COL5A3: variants seen among roughly 807,000 people sequenced by gnomAD.
COL5A3 encodes the protein collagen alpha-3(V) chain.
A neutral mutation model predicts 250.0 loss-of-function variants in COL5A3; 172 were observed. That is an observed-to-expected ratio of 0.69 (90% CI 0.61 to 0.78). COL5A3 has a LOEUF of 0.78. Among genes scored for constraint, COL5A3 ranks in the 30% least tolerant of loss-of-function variants. The probability of loss-of-function intolerance (pLI) is 0.00; values close to 1 mark genes in which losing one functional copy is unlikely to be tolerated. For missense variants in COL5A3, 2,340 were observed against 2,334.4 expected (o/e 1.00, Z -0.05); for synonymous variants, 937 against 900.4 (o/e 1.04, Z -0.73).
rs767747579 is a variant in COL5A3, at chr19:9,997,344, G to A, written c.1263+27C>T. 1.3e-5 allele frequency: 20 copies of A among 1,572,260 alleles called. No homozygotes were observed. The Admixed American group carries it at 1.9e-4, about 15-fold the overall frequency. ...GCCCCAAACCTCACTCCTCTGAGAA[G>A]TGTACACCCCAGTGGGAGTCTCTTA... On this transcript the variant is annotated intron_variant, in intron 11 of 66. Transcript: ENST00000264828.
chr19:9,960,314 A>T lies in COL5A3; in HGVS notation c.*97T>A. 7.0e-7 allele frequency: 1 copy of T among 1,432,306 alleles called. No homozygotes were observed. Among genetic ancestry groups the T allele is most frequent in the South Asian group, 1.2e-5 (1 of 83,526 alleles). 88.7% of individuals were successfully genotyped at this position (1,432,306 alleles called of 1,614,324 possible). A position where few individuals can be genotyped will look rare whatever the true frequency, so the allele number is the denominator to read the frequency against. The stretch of plus-strand genomic sequence containing the variant: ...CGAAGTCACATCCCATTGGCTCCAT[A>T]GTCACAGGTAACGAAAAATACGGTG... On this transcript the variant is annotated 3_prime_UTR_variant, in exon 67 of 67. Coordinates refer to ENST00000264828, the MANE Select transcript of COL5A3 (RefSeq NM_015719.4).
At chr19:10,001,208 C>T (rs1405033801) in intron 8 of COL5A3, among the ~76,000 whole-genome samples, 1 of 151,740 alleles carries the variant, frequency 6.6e-6, no homozygotes, top group African/African-American at 2.4e-5. Context: ...TGCAGTGGCA[C>T]GATCTTGGCT....
intron 61 of COL5A3, 60 bp from the exon 62 acceptor site, chr19:9,967,460 TACACACAAAC>T (rs2086768173): frequency 8.2e-7 from 1 of 1,214,032 alleles, no homozygotes; most frequent in Non-Finnish European, 1.1e-6. Context: ...CCCACCAACA[TACACACAAAC>T]ACACACACAC....
chr19:9,993,742 C>G lies in COL5A3; in HGVS notation c.1641+11G>C. 1 of 1,614,114 alleles carries G rather than the reference C, an allele frequency of 6.2e-7. No individual in the cohort carries two copies. Among genetic ancestry groups the G allele is most frequent in the Non-Finnish European group, 8.5e-7 (1 of 1,179,986 alleles). ...CTCCCACCAAGTCTTATCTCAGCCCCCATCACCTACCTTAGGTCCAGTGTC... is the reference window on the plus strand; with the variant it reads ...CTCCCACCAAGTCTTATCTCAGCCCGCATCACCTACCTTAGGTCCAGTGTC... On this transcript the variant is annotated intron_variant, in intron 17 of 66. Transcript: ENST00000264828.
rs368971097 is a variant in COL5A3, at chr19:9,979,288, G to A, written c.2767-49C>T. ...TGAGTGGGGGTGGCCTAGGGGAGTC[G>A]CTCAGGAGTCCAGCTTTCCCCTAAA... On this transcript the variant is annotated intron_variant, in intron 38 of 66. Transcript: ENST00000264828. 55 of 1,597,672 alleles carry A rather than the reference G, an allele frequency of 3.4e-5. No homozygotes were observed. In the Middle Eastern group the frequency reaches 5.0e-4, roughly 14 times the overall value.
intron 51 of COL5A3, among the ~76,000 whole-genome samples, chr19:9,972,321 TC>T (rs1311254002): frequency 9.4e-5 from 4 of 42,578 alleles, no homozygotes; most frequent in Non-Finnish European, 1.8e-4. Flanking sequence ...GTTCATCCAT[TC>T]ACTCACTCGT....
Position 9,960,556 on chromosome 19 carries a change from A to T in COL5A3, c.5093T>A (p.Leu1698His). Reference sequence around the variant, plus strand: ...AAGGGTCTTCGTCTGTCCTTTCCGGAGCTGTCCCCAGAGAAGACAGAGACG... The same window carrying T: ...AAGGGTCTTCGTCTGTCCTTTCCGGTGCTGTCCCCAGAGAAGACAGAGACG... ...TVSVPQDGCR[L>H]RKGQTKTLFE... The change falls in exon 67 of 67, where the codon CTC becomes CAC. Residue 1698 changes from leucine to histidine, a missense_variant and splice_region_variant. By Grantham distance (99) the Leu-to-His change is moderately conservative (BLOSUM62 -3). Transcript: ENST00000264828. 1.2e-6 allele frequency: 2 copies of T among 1,614,130 alleles called. No homozygotes were observed. Among genetic ancestry groups the T allele is most frequent in the Non-Finnish European group, 1.7e-6 (2 of 1,180,018 alleles).
At chr19:9,985,628 A>C (rs986580227) in intron 31 of COL5A3, among the ~76,000 whole-genome samples, 12 of 151,220 alleles carry the variant, frequency 7.9e-5, no homozygotes, top group African/African-American at 2.9e-4. Flanking sequence ...CTGGTCTCGA[A>C]CTCCTGGGCT....
At chr19:9,998,253 C>CACACAT (rs2087302613) in intron 8 of COL5A3, 104 bp from the exon 9 acceptor site, 7 of 1,130,636 alleles carry the variant, frequency 6.2e-6, no homozygotes, top group South Asian at 4.5e-5. Flanking sequence ...CACACACACA[C>CACACAT]ACACGGAGTC....
chr19:9,981,013 A>T (rs934406393), intron 33 of COL5A3, 75 bp downstream of exon 33: 121 of 1,546,036 alleles, frequency 7.8e-5, no homozygotes, highest in African/African-American at 2.7e-5. Context: ...CCCACAGATG[A>T]CCTCTCCACT....
In COL5A3 at chr19:9,986,126, G is replaced by A. The variant is rs118161059; in HGVS notation, c.2352+189C>T. 1.2e-4 allele frequency among the ~76,000 whole-genome samples: 18 copies of A among 152,320 alleles called. No homozygotes were observed. In the East Asian group the frequency reaches 3.5e-3, roughly 29 times the overall value. On this transcript the variant is annotated intron_variant, in intron 30 of 66. Transcript: ENST00000264828. ...TGGGATGAAAATGCCTATTGCATGT[G>A]GTGGTTATGGATATGAACACATAAG...
At chr19:10,003,849 T>C (rs760494936) in intron 5 of COL5A3, 135 bp from the exon 6 acceptor site, 50 of 1,264,340 alleles carry the variant, frequency 4.0e-5, no homozygotes, top group Non-Finnish European at 4.7e-5. Context: ...ACGTTATTCA[T>C]GTAACCTGGG....
Position 9,978,944 on chromosome 19 carries a change from CT to C in COL5A3, c.2910del (p.Pro972GlnfsTer22). ...ELGPPGPLGKEGPAGLRGFPG... is the reference protein window; with the variant it reads ...ELGPPGPLGKXGPAGLRGFPG... The stretch of plus-strand genomic sequence containing the variant: ...GGAAAGCCCCTGAGTCCAGCTGGCC[CT>C]TCTTTCCCAAGGGGTCCTGGTGGTC... On this transcript the variant is annotated frameshift_variant, in exon 40 of 67. Coordinates refer to ENST00000264828, the MANE Select transcript of COL5A3 (RefSeq NM_015719.4). LOFTEE classifies it high-confidence loss of function. The C allele has an allele frequency of 6.5e-7, 1 of 1,532,478 alleles. No homozygotes were observed. Among genetic ancestry groups the C allele is most frequent in the Non-Finnish European group, 8.7e-7 (1 of 1,143,226 alleles). 94.9% of individuals were successfully genotyped at this position (1,532,478 alleles called of 1,614,324 possible).
chr19:9,975,350 G>A (rs1395331053), intron 45 of COL5A3, among the ~76,000 whole-genome samples: 1 of 152,122 alleles, frequency 6.6e-6, no homozygotes, highest in Non-Finnish European at 1.5e-5. Context: ...AAAGTACTAG[G>A]ATTACAGGCA....
intron 1 of COL5A3, 78 bp downstream of exon 1, chr19:10,010,215 CCTCCA>C: frequency 1.1e-6 from 1 of 950,548 alleles, no homozygotes; most frequent in Non-Finnish European, 1.4e-6. Flanking sequence ...CCTCCACGCC[CCTCCA>C]CCCCCCTCCA....
chr19:9,990,874 A>G (rs915336827), intron 24 of COL5A3, among the ~76,000 whole-genome samples: 4 of 152,152 alleles, frequency 2.6e-5, no homozygotes, highest in Non-Finnish European at 5.9e-5. Context: ...ATAAAATTAA[A>G]TTAAAACAGT....
At chr19:9,971,577 T>C (rs8100115) in intron 51 of COL5A3, among the ~76,000 whole-genome samples, 4,486 of 152,014 alleles carry the variant, frequency 0.03, 218 homozygotes, top group African/African-American at 0.1. Context: ...ATTCATTCAT[T>C]CATCCATCCA....
intron 30 of COL5A3, 135 bp downstream of exon 30, chr19:9,986,180 T>G: frequency 1.5e-6 from 1 of 660,382 alleles, no homozygotes; most frequent in Non-Finnish European, 2.6e-6. Flanking sequence ...TCTGTAATGC[T>G]GAGCTGAGGA....
chr19:10,008,910 G>A (rs2087482374), intron 1 of COL5A3, among the ~76,000 whole-genome samples: 1 of 152,060 alleles, frequency 6.6e-6, no homozygotes, highest in Non-Finnish European at 1.5e-5. Flanking sequence ...CGGATGTCAG[G>A]GGCAGCATGT....
Sources: gnomAD v4.1 joint callset for allele counts (sites outside exome capture counted in the v4.1 genomes callset) on GRCh38, gnomAD v4.1.1 for gene constraint, MANE v1.5 for transcripts, NCBI Gene and HGNC (gene_info 2026-07-23, HGNC 2026-07-21) for gene names.